Variants in ACSS2 observed in about 807,000 individuals in gnomAD.
The protein encoded by ACSS2 is acetyl-coenzyme A synthetase, cytoplasmic.
A neutral mutation model predicts 90.6 loss-of-function variants in ACSS2; 58 were observed. That is an observed-to-expected ratio of 0.64 (90% CI 0.52 to 0.80). The LOEUF (loss-of-function observed/expected upper bound fraction) is 0.80. Among genes scored for constraint, ACSS2 ranks in the 30% least tolerant of loss-of-function variants. The pLI, the probability that ACSS2 is intolerant of heterozygous loss-of-function variation, is 0.00. For missense variants in ACSS2, 759 were observed against 912.0 expected (o/e 0.83, Z 2.16); for synonymous variants, 300 against 330.9 (o/e 0.91, Z 1.01).
In ACSS2 at chr20:34,882,955, G is replaced by A; in HGVS notation, c.340G>A (p.Glu114Lys). The change falls in exon 2 of 18, where the codon GAG becomes AAG. Residue 114 changes from glutamate to lysine, a missense_variant. By Grantham distance (56) the Glu-to-Lys change is moderately conservative. Coordinates refer to ENST00000360596, the MANE Select transcript of ACSS2 (RefSeq NM_018677.4). ...CYNVLDRNVH[E>K]KKLGDKVAFY... ...CAATGTACTGGATCGAAATGTCCAT[G>A]AGAAAAAGCTTGGAGATAAAGTTGC... 6.2e-7 allele frequency: 1 copy of A among 1,606,328 alleles called. No individual in the cohort carries two copies.
chr20:34,879,879 C>T (rs200937523), intron 1 of ACSS2, among the ~76,000 whole-genome samples: 4 of 152,260 alleles, frequency 2.6e-5, no homozygotes, highest in East Asian at 3.9e-4. Flanking sequence ...GCTGCGTGGT[C>T]CTTGGCAGAG....
intron 1 of ACSS2, among the ~76,000 whole-genome samples, chr20:34,879,512 C>T (rs1433413951): frequency 7.7e-6 from 1 of 129,920 alleles, no homozygotes; most frequent in Non-Finnish European, 1.6e-5. Flanking sequence ...CACACACACA[C>T]ACACACACAC....
At chr20:34,901,130 A>G (rs933482368) in intron 2 of ACSS2, among the ~76,000 whole-genome samples, 8 of 152,238 alleles carry the variant, frequency 5.3e-5, no homozygotes, top group African/African-American at 1.9e-4. Flanking sequence ...GCTTTAGAAT[A>G]GTGTTGCTAC....
chr20:34,914,071 C>G, intron 5 of ACSS2, 25 bp from the exon 6 acceptor site: 1 of 1,613,492 alleles, frequency 6.2e-7, no homozygotes, highest in South Asian at 1.1e-5. Flanking sequence ...TTACTAAGGC[C>G]TGGAATGTCT....
intron 14 of ACSS2, among the ~76,000 whole-genome samples, chr20:34,924,254 T>C (rs2081267532): frequency 6.6e-6 from 1 of 152,208 alleles, no homozygotes; most frequent in African/African-American, 2.4e-5. Flanking sequence ...ATGAATAATG[T>C]AGTCAAAATC....
chr20:34,885,989 T>TTTTTTTTTTTGAG (rs2080182847), intron 2 of ACSS2, among the ~76,000 whole-genome samples: 3 of 149,768 alleles, frequency 2.0e-5, no homozygotes, highest in African/African-American at 7.7e-5. Context: ...ATTTTATGTT[T>TTTTTTTTTTTGAG]ATAGTAAAGC....
rs376008626 is a variant in ACSS2, at chr20:34,888,777, C to T, written c.374+5788C>T. The stretch of plus-strand genomic sequence containing the variant: ...CTGAAGGAAAGTATGGAGTGTGCCA[C>T]GCAGATAGTTGGGGTAGGGAGGGGA... On this transcript the variant is annotated intron_variant, in intron 2 of 17. Coordinates refer to ENST00000360596, the MANE Select transcript of ACSS2 (RefSeq NM_018677.4). Among the ~76,000 whole-genome samples the T allele has an allele frequency of 6.6e-4, 101 of 152,160 alleles. 2 individuals are homozygous for T. In the South Asian group the frequency reaches 8.5e-3, roughly 13 times the overall value.
upstream of ACSS2, among the ~76,000 whole-genome samples, chr20:34,875,340 G>A (rs2079884318): frequency 6.6e-6 from 1 of 152,254 alleles, no homozygotes; most frequent in Non-Finnish European, 1.5e-5. Context: ...AGCCCAAGGC[G>A]GGCAGATCAC....
At chr20:34,923,052 T>C (rs958184987) in intron 13 of ACSS2, 1 of 356,288 alleles carries the variant, frequency 2.8e-6, no homozygotes, top group Admixed American at 3.8e-5. Flanking sequence ...AATTTCCATA[T>C]ACTATTAATT....
rs761178819 is a variant in ACSS2, at chr20:34,913,182, A to G, written c.461A>G (p.Lys154Arg). 1.1e-5 allele frequency: 18 copies of G among 1,614,000 alleles called. No homozygotes were observed. Among genetic ancestry groups the G allele is most frequent in the Non-Finnish European group, 1.4e-5 (17 of 1,180,038 alleles). Residue 154 changes from lysine (K) to arginine (R), a missense_variant, in exon 3 of 18, where the codon AAA (lysine) becomes AGA (arginine). Lys to Arg is a conservative substitution (Grantham distance 26, BLOSUM62 2). Coordinates refer to ENST00000360596, the MANE Select transcript of ACSS2 (RefSeq NM_018677.4). The part of the protein sequence containing the change: ...QVCQFSNVLR[K>R]QGIQKGDRVA... ...TGTCAGTTCAGCAATGTTCTCCGAA[A>G]ACAGGGTGAGTGTGGGGGTGTGGGA...
intron 2 of ACSS2, among the ~76,000 whole-genome samples, chr20:34,903,878 A>C (rs879873377): frequency 0.024 from 3,592 of 151,552 alleles, 144 homozygotes; most frequent in African/African-American, 0.08. Flanking sequence ...CTCAAAAAAA[A>C]AAAAAAAAAA....
chr20:34,919,514 G>A lies in ACSS2; in HGVS notation c.914G>A (p.Cys305Tyr). ...EAGDECEPEW[C>Y]DAEDPLFILY... ...GGGGATGAGTGTGAGCCCGAGTGGT[G>A]TGATGCCGAGGACCCACTCTTCATC... Residue 305 changes from cysteine (C) to tyrosine (Y), a missense_variant, in exon 8 of 18, where the codon TGT becomes TAT. By Grantham distance (194) the Cys-to-Tyr change is radical (BLOSUM62 -2). Transcript: ENST00000360596. 6.2e-7 allele frequency: 1 copy of A among 1,612,462 alleles called. No homozygotes were observed. Among genetic ancestry groups the A allele is most frequent in the Non-Finnish European group, 8.5e-7 (1 of 1,179,998 alleles).
chr20:34,913,029 T>A, intron 2 of ACSS2, 67 bp from the exon 3 acceptor site: 1 of 1,226,564 alleles, frequency 8.2e-7, no homozygotes, highest in Non-Finnish European at 1.2e-6. Flanking sequence ...ATTTTATGAC[T>A]CTGCCTGTTT....
chr20:34,921,762 G>C lies in ACSS2; in HGVS notation c.1468-24G>C, dbSNP rs779126570. ...AGAGTTGCCTCATTCCTCTTCTTGGGTTCTGTCTCCCGTTTGCTTCTAGAC... is the reference window on the plus strand; with the variant it reads ...AGAGTTGCCTCATTCCTCTTCTTGGCTTCTGTCTCCCGTTTGCTTCTAGAC... On this transcript the variant is annotated intron_variant, in intron 12 of 17. Transcript: ENST00000360596. 5.0e-6 allele frequency: 8 copies of C among 1,612,592 alleles called. No individual in the cohort carries two copies. The Admixed American group carries it at 1.3e-4, about 27-fold the overall frequency.
chr20:34,877,818 C>CAAAAAAA (rs60819156), intron 1 of ACSS2, among the ~76,000 whole-genome samples: 3 of 91,220 alleles, frequency 3.3e-5, no homozygotes, highest in Non-Finnish European at 6.0e-5. Flanking sequence ...GACTTTGTCT[C>CAAAAAAA]AAAAAAAAAA....
At chr20:34,913,949 G>A in intron 5 of ACSS2, 124 bp downstream of exon 5, 3 of 1,356,160 alleles carry the variant, frequency 2.2e-6, no homozygotes, top group Non-Finnish European at 3.2e-6. Flanking sequence ...TTTCTCTCCT[G>A]GTCCCACCTC....
chr20:34,883,388 C>T (rs957976295), intron 2 of ACSS2, among the ~76,000 whole-genome samples: 4 of 152,188 alleles, frequency 2.6e-5, no homozygotes, highest in Admixed American at 6.5e-5. Flanking sequence ...AAGTGCTTAA[C>T]AAATACTATC....
chr20:34,876,260 C>T (rs1040900963), upstream of ACSS2, among the ~76,000 whole-genome samples: 3 of 152,002 alleles, frequency 2.0e-5, no homozygotes, highest in Non-Finnish European at 4.4e-5. Context: ...CCGGGTTACT[C>T]CCCATCACTC....
chr20:34,894,052 G>A (rs1478295103), intron 2 of ACSS2, among the ~76,000 whole-genome samples: 7 of 151,946 alleles, frequency 4.6e-5, no homozygotes, highest in East Asian at 3.8e-4. Context: ...TGAAACCAAC[G>A]TTTGCTTCTT....
Sources: gnomAD v4.1 joint callset for allele counts (sites outside exome capture counted in the v4.1 genomes callset) on GRCh38, gnomAD v4.1.1 for gene constraint, MANE v1.5 for transcripts, NCBI Gene and HGNC (gene_info 2026-07-23, HGNC 2026-07-21) for gene names.